Variants in CCSER1 observed in about 807,000 individuals in gnomAD.
CCSER1 encodes coiled-coil serine rich protein 1, also known as serine-rich coiled-coil domain-containing protein 1.
In CCSER1, 41 loss-of-function variants were observed where a neutral mutation model predicts 82.0. The ratio of observed to expected loss-of-function variants is 0.50; its 90% CI spans 0.39 to 0.65. The LOEUF is 0.65. Ranked by LOEUF, CCSER1 falls within the 30% of genes least tolerant of loss-of-function variation. CCSER1 has a pLI of 0.00. For synonymous variants in CCSER1, 414 were observed against 383.9 expected (o/e 1.08, Z -0.92); for missense variants, 1,119 against 1,064.2 (o/e 1.05, Z -0.72).
chr4:91,418,334 C>G (rs931452643), intron 10 of CCSER1, among the ~76,000 whole-genome samples: 43 of 113,450 alleles, frequency 3.8e-4, no homozygotes, highest in African/African-American at 1.4e-3. Flanking sequence ...TGACAAAACT[C>G]CAGATAGGCT....
intron 10 of CCSER1, among the ~76,000 whole-genome samples, chr4:91,300,695 G>A (rs1173043267): frequency 6.6e-6 from 1 of 151,462 alleles, no homozygotes. Context: ...AGTACTGCTG[G>A]CAACTGAAAA....
At chr4:91,036,833 C>T (rs1741471533) in intron 9 of CCSER1, among the ~76,000 whole-genome samples, 1 of 152,094 alleles carries the variant, frequency 6.6e-6, no homozygotes, top group South Asian at 2.1e-4. Context: ...GATTCCAACA[C>T]TTTGAGAGAC....
At chr4:91,321,377 A>C (rs1160879030) in intron 10 of CCSER1, among the ~76,000 whole-genome samples, 4 of 152,094 alleles carry the variant, frequency 2.6e-5, no homozygotes, top group Non-Finnish European at 5.9e-5. Context: ...CATGGCCTGC[A>C]ATTGATAGAA....
chr4:90,965,001 C>T (rs1734421863), intron 9 of CCSER1, among the ~76,000 whole-genome samples: 1 of 151,998 alleles, frequency 6.6e-6, no homozygotes, highest in Non-Finnish European at 1.5e-5. Flanking sequence ...GGGGCCTTAT[C>T]TATGTGGAGC....
rs558622628 is a variant in CCSER1, at chr4:90,978,866, G to A, written c.2172+55419G>A. 2.6e-4 allele frequency among the ~76,000 whole-genome samples: 39 copies of A among 151,820 alleles called. No individual in the cohort carries two copies. In the South Asian group the frequency reaches 7.7e-3, roughly 30 times the overall value. On this transcript the variant is annotated intron_variant, in intron 9 of 10. Transcript: ENST00000509176. ...CCTATAAAATTTCACTTCAAAAACAGCCCTTTGAATACCAGTTTCCCATTT... is the reference window on the plus strand; with the variant it reads ...CCTATAAAATTTCACTTCAAAAACAACCCTTTGAATACCAGTTTCCCATTT...
chr4:90,843,235 G>GAA (rs5860205), intron 8 of CCSER1, among the ~76,000 whole-genome samples: 70 of 149,946 alleles, frequency 4.7e-4, no homozygotes, highest in Non-Finnish European at 1.3e-4. Context: ...ATGAGTCAGT[G>GAA]AAAAAAAAAA....
chr4:90,934,082 A>G (rs2150307212), intron 9 of CCSER1, among the ~76,000 whole-genome samples: 1 of 152,026 alleles, frequency 6.6e-6, no homozygotes, highest in Admixed American at 6.5e-5. Flanking sequence ...ATATTTTCAT[A>G]AGGTTTTCTT....
chr4:90,623,331 G>T (rs770138423), intron 5 of CCSER1, among the ~76,000 whole-genome samples: 1 of 146,398 alleles, frequency 6.8e-6, no homozygotes, highest in South Asian at 2.2e-4. Context: ...ACTGTGCCCG[G>T]CCAGGATGGC....
At chr4:90,665,852 G>A (rs1045357779) in intron 6 of CCSER1, among the ~76,000 whole-genome samples, 6 of 152,178 alleles carry the variant, frequency 3.9e-5, no homozygotes, top group Admixed American at 6.5e-5. Context: ...TCAAAGGGCA[G>A]TCTTCAAGGT....
chr4:91,014,573 T>C (rs1647306065), intron 9 of CCSER1, among the ~76,000 whole-genome samples: 1 of 135,290 alleles, frequency 7.4e-6, no homozygotes, highest in Admixed American at 7.3e-5. Context: ...AATCCTTTTA[T>C]AATAACCTTA....
chr4:91,512,152 A>G (rs1161881193), intron 10 of CCSER1, among the ~76,000 whole-genome samples: 1 of 152,134 alleles, frequency 6.6e-6, no homozygotes, highest in Admixed American at 6.5e-5. Context: ...TGAAGGACGC[A>G]ATGTACCGTT....
chr4:90,859,467 G>A (rs1764822374), intron 8 of CCSER1, among the ~76,000 whole-genome samples: 1 of 151,744 alleles, frequency 6.6e-6, no homozygotes, highest in African/African-American at 2.4e-5. Flanking sequence ...ACTGACAAAA[G>A]ATTCAAGGAA....
intron 1 of CCSER1, among the ~76,000 whole-genome samples, chr4:90,298,090 C>T (rs1465512993): frequency 6.6e-6 from 1 of 152,136 alleles, no homozygotes; most frequent in Non-Finnish European, 1.5e-5. Flanking sequence ...CCTTGTACCT[C>T]TGGTAGAATT....
At chr4:90,514,480 C>T (rs1277424982) in intron 5 of CCSER1, among the ~76,000 whole-genome samples, 2 of 152,154 alleles carry the variant, frequency 1.3e-5, no homozygotes, top group African/African-American at 4.8e-5. Flanking sequence ...TTAGGCCAGA[C>T]ACAGTGGCTC....
intron 6 of CCSER1, among the ~76,000 whole-genome samples, chr4:90,665,081 T>C (rs930043219): frequency 3.3e-5 from 5 of 152,182 alleles, no homozygotes; most frequent in African/African-American, 1.2e-4. Flanking sequence ...CTTTTGGCTT[T>C]CTATTACATT....
Position 90,551,706 on chromosome 4 carries a change from C to CTCTATATATA in CCSER1, c.1725-76318_1725-76317insCTATATATAT. 4.1e-3 allele frequency among the ~76,000 whole-genome samples: 432 copies of CTCTATATATA among 104,226 alleles called. 4 individuals are homozygous for CTCTATATATA. The highest frequency in any genetic ancestry group is 0.01 in the East Asian group (38 of 3,688). The allele number at this position is 104,226 out of a possible 152,430, so 68.4% of individuals were successfully genotyped here. On this transcript the variant is annotated intron_variant, in intron 5 of 10. Transcript: ENST00000509176. ...TCTCTCTCTCTCTCTCTCTCTCTCT[C>CTCTATATATA]TATATATATATATATATATATGTAA... is the stretch of plus-strand genomic sequence containing the variant.
intron 6 of CCSER1, among the ~76,000 whole-genome samples, chr4:90,685,265 T>G (rs1734614404): frequency 6.6e-6 from 1 of 151,978 alleles, no homozygotes; most frequent in Admixed American, 6.6e-5. Context: ...CAGCAGTGTT[T>G]CCAAGCAACA....
intron 8 of CCSER1, among the ~76,000 whole-genome samples, chr4:90,851,613 A>C (rs1035266988): frequency 4.3e-5 from 6 of 140,990 alleles, no homozygotes. Context: ...CTTTACCATC[A>C]TGTGTTTTAC....
At chr4:91,228,470 T>C (rs1467547113) in intron 10 of CCSER1, among the ~76,000 whole-genome samples, 1 of 151,906 alleles carries the variant, frequency 6.6e-6, no homozygotes, top group Non-Finnish European at 1.5e-5. Flanking sequence ...TAGTTACATA[T>C]ATCAATCTGA....
Sources: allele counts gnomAD v4.1 joint callset (sites outside exome capture counted in the v4.1 genomes callset), GRCh38; gene constraint gnomAD v4.1.1; transcripts MANE v1.5; gene names NCBI Gene and HGNC (gene_info 2026-07-23, HGNC 2026-07-21).